The following TSHZ3 variants were observed in gnomAD, a reference collection of about 807,000 sequenced individuals.
TSHZ3 encodes teashirt homolog 3.
TSHZ3 carries 10 observed loss-of-function variants against 64.5 expected under a neutral mutation model. The observed-to-expected ratio is 0.16, with a 90% CI of 0.10 to 0.26. The LOEUF is 0.26. Ranked by LOEUF, TSHZ3 falls within the 10% of genes least tolerant of loss-of-function variation. The probability of loss-of-function intolerance (pLI) is 1.00; values close to 1 mark genes in which losing one functional copy is unlikely to be tolerated. For missense variants in TSHZ3, 1,242 were observed against 1,421.7 expected, an observed-to-expected ratio of 0.87 and a Z score of 2.03; for synonymous variants, 608 against 593.1, an observed-to-expected ratio of 1.03 and a Z score of -0.36.
At chr19:31,245,811 C>T (rs1318145805) in intron 1 of TSHZ3, among the ~76,000 whole-genome samples, 4 of 152,188 alleles carry the variant, frequency 2.6e-5, no homozygotes, top group Non-Finnish European at 4.4e-5. Context: ...CAAGAAGACA[C>T]TCAGCATTCA....
intron 5 of TSHZ3, among the ~76,000 whole-genome samples, chr19:31,162,259 C>T (rs1401580437): frequency 6.6e-6 from 1 of 152,024 alleles, no homozygotes; most frequent in African/African-American, 2.4e-5. Flanking sequence ...TAAAAAAAAT[C>T]TGATTATAAT....
chr19:31,155,836 A>G (rs192631912), intron 6 of TSHZ3, among the ~76,000 whole-genome samples: 134 of 152,254 alleles, frequency 8.8e-4, no homozygotes, highest in Non-Finnish European at 1.6e-3. Context: ...CACCGATCTA[A>G]TGGCCTCAGA....
At chr19:31,211,450 C>A (rs1221294728) in intron 4 of TSHZ3, among the ~76,000 whole-genome samples, 1 of 152,154 alleles carries the variant, frequency 6.6e-6, no homozygotes, top group Non-Finnish European at 1.5e-5. Context: ...GACACACCAA[C>A]TTCTCTTGAG....
At chr19:31,258,010 G>T (rs1442225233) in intron 1 of TSHZ3, among the ~76,000 whole-genome samples, 1 of 152,160 alleles carries the variant, frequency 6.6e-6, no homozygotes. Context: ...GTGAAGGATG[G>T]CACCCAGTTA....
chr19:31,324,015 G>A (rs761824930), intron 1 of TSHZ3, among the ~76,000 whole-genome samples: 3 of 151,972 alleles, frequency 2.0e-5, no homozygotes, highest in Non-Finnish European at 2.9e-5. Flanking sequence ...AAGCCACGAG[G>A]GGCATCTTCA....
At chr19:31,298,922 C>T (rs186858371) in intron 1 of TSHZ3, among the ~76,000 whole-genome samples, 9 of 152,244 alleles carry the variant, frequency 5.9e-5, no homozygotes, top group East Asian at 1.9e-4. Context: ...CAGCTGGGCA[C>T]GGTGGCTCAT....
intron 1 of TSHZ3, among the ~76,000 whole-genome samples, chr19:31,254,080 G>T (rs781564598): frequency 3.9e-5 from 6 of 152,064 alleles, no homozygotes; most frequent in Non-Finnish European, 7.4e-5. Flanking sequence ...TAATTCTGCT[G>T]CAAGGATTTG....
upstream of TSHZ3, among the ~76,000 whole-genome samples, chr19:31,350,531 C>T (rs967095291): frequency 6.8e-6 from 1 of 147,000 alleles, no homozygotes; most frequent in Non-Finnish European, 1.5e-5. Flanking sequence ...GCCAGGGGCT[C>T]CCCCCGAGAG....
chr19:31,307,409 A>T (rs1916333330), intron 1 of TSHZ3, among the ~76,000 whole-genome samples: 2 of 152,158 alleles, frequency 1.3e-5, no homozygotes, highest in South Asian at 4.2e-4. Flanking sequence ...CGGAGCTGAG[A>T]GTGTCAAGAA....
chr19:31,271,804 T>C (rs1432389429), downstream of TSHZ3, among the ~76,000 whole-genome samples: 3 of 152,174 alleles, frequency 2.0e-5, no homozygotes, highest in East Asian at 5.8e-4. Flanking sequence ...CTGTTTCCAT[T>C]ACCAAAAGAA....
At chr19:31,222,734 T>C (rs985760819) in intron 4 of TSHZ3, among the ~76,000 whole-genome samples, 2 of 152,226 alleles carry the variant, frequency 1.3e-5, no homozygotes, top group Non-Finnish European at 2.9e-5. Context: ...ATTTGAATTA[T>C]TGAATCCAGG....
intron 3 of TSHZ3, among the ~76,000 whole-genome samples, chr19:31,233,735 T>C (rs1022443520): frequency 1.3e-5 from 2 of 152,180 alleles, no homozygotes; most frequent in Non-Finnish European, 2.9e-5. Context: ...AACCTACGAC[T>C]CATTTCAAAT....
At chr19:31,257,659 AGATTGGCCGGCTGCACGGGACTAT>A (rs535225346) in intron 1 of TSHZ3, among the ~76,000 whole-genome samples, 104 of 122,514 alleles carry the variant, frequency 8.5e-4, no homozygotes, top group African/African-American at 5.5e-3. Context: ...CTGGCAGCAC[AGATTGGCCGGCTGCACGGGACTAT>A]GCTGCAGTCT....
rs145140907 is a variant in TSHZ3, at chr19:31,277,525, G to T, written c.2268C>A (p.Ser756Arg). The change falls in exon 2 of 2, where the codon AGC becomes AGA. Residue 756 changes from serine to arginine, a missense_variant. Transcript: ENST00000240587. This position sits in a 1 kb window ranked among gnomAD's most constrained non-coding sequence, Gnocchi z 4.5. Reference sequence around the variant, plus strand: ...TGGCCACAGCAGCCTTCTCCGCCAGGCTGTTGCTCATCTTGAAAAGCATGC... The same window carrying T: ...TGGCCACAGCAGCCTTCTCCGCCAGTCTGTTGCTCATCTTGAAAAGCATGC... ...PMSMLFKMSN[S>R]LAEKAAVATP... The T allele has an allele frequency of 5.6e-6, 9 of 1,603,316 alleles. No individual in the cohort carries two copies. In the African/African-American group the frequency reaches 1.1e-4, roughly 19 times the overall value.
chr19:31,349,521 G>C (rs558509146), upstream of TSHZ3: 25 of 340,470 alleles, frequency 7.3e-5, no homozygotes, highest in East Asian at 1.1e-3. Context: ...AGGAGGAGGA[G>C]GACCGCGCTG....
intron 1 of TSHZ3, among the ~76,000 whole-genome samples, chr19:31,304,792 G>A (rs2054893401): frequency 6.6e-6 from 1 of 152,166 alleles, no homozygotes; most frequent in African/African-American, 2.4e-5. Context: ...TAATTATGAT[G>A]GGAGTCTTTG....
intron 5 of TSHZ3, among the ~76,000 whole-genome samples, chr19:31,187,982 A>T (rs1221643317): frequency 6.6e-6 from 1 of 152,116 alleles, no homozygotes; most frequent in Non-Finnish European, 1.5e-5. Context: ...TTTGGATAGC[A>T]GTGAGTTAAA....
At chr19:31,347,828 G>A (rs754535445) in intron 1 of TSHZ3, among the ~76,000 whole-genome samples, 9 of 152,178 alleles carry the variant, frequency 5.9e-5, no homozygotes, top group African/African-American at 2.4e-5. Flanking sequence ...CTGTGACCCC[G>A]TGTAAGGGGT....
chr19:31,206,536 T>C (rs1387144537), intron 4 of TSHZ3, among the ~76,000 whole-genome samples: 1 of 152,206 alleles, frequency 6.6e-6, no homozygotes, highest in Non-Finnish European at 1.5e-5. Flanking sequence ...TGCTTCACCA[T>C]TCTGGGAGCA....
Sources: gnomAD v4.1 joint callset for allele counts (sites outside exome capture counted in the v4.1 genomes callset) on GRCh38, gnomAD v4.1.1 for gene constraint, Gnocchi (gnomAD v3.1) non-coding constraint, MANE v1.5 for transcripts, NCBI Gene and HGNC (gene_info 2026-07-23, HGNC 2026-07-21) for gene names.